The following MYO3B variants were observed in gnomAD, a reference collection of about 807,000 sequenced individuals.
MYO3B encodes the protein myosin-IIIb.
In MYO3B, 156 loss-of-function variants were observed where a neutral mutation model predicts 174.6. The ratio of observed to expected loss-of-function variants is 0.89; its 90% CI spans 0.78 to 1.02. The LOEUF is 1.02. Ranked by LOEUF, MYO3B falls within the 50% of genes least tolerant of loss-of-function variation. MYO3B has a pLI of 0.00. For missense variants in MYO3B, 1,632 were observed against 1,639.4 expected (o/e 1.00, Z 0.08); for synonymous variants, 563 against 569.1 (o/e 0.99, Z 0.15).
At chr2:170,235,251 C>T (rs1050167983) in intron 6 of MYO3B, among the ~76,000 whole-genome samples, 2 of 152,216 alleles carry the variant, frequency 1.3e-5, no homozygotes, top group Non-Finnish European at 2.9e-5. Context: ...CTTCTCCTAT[C>T]GCCATTGTGA....
At chr2:170,179,131 G>A (rs1574529161) in intron 1 of MYO3B, among the ~76,000 whole-genome samples, 1 of 152,110 alleles carries the variant, frequency 6.6e-6, no homozygotes. Flanking sequence ...CTTAATAGGT[G>A]CAGCCAACCC....
chr2:170,214,822 G>A lies in MYO3B; in HGVS notation c.520G>A (p.Asp174Asn). Reference protein sequence around the residue: ...LTTEGGVKLVDFGVSAQLTST... With the variant: ...LTTEGGVKLVNFGVSAQLTST... ...AACAGAAGGAGGAGTTAAGCTCGTT[G>A]ACTTTGGTAATGACTGCTTGTCGTT... The change falls in exon 5 of 35, where the codon GAC becomes AAC. Residue 174 changes from aspartate (D) to asparagine (N), a missense_variant. Physicochemically the swap from Asp to Asn is conservative, Grantham distance 23. Coordinates refer to ENST00000408978, the MANE Select transcript of MYO3B (RefSeq NM_138995.5). 6.2e-7 allele frequency: 1 copy of A among 1,612,764 alleles called. No individual in the cohort carries two copies.
intron 32 of MYO3B, chr2:170,602,134 G>T: frequency 2.4e-6 from 3 of 1,239,630 alleles, no homozygotes; most frequent in Non-Finnish European, 2.4e-6. Context: ...TGAGGCATCT[G>T]GGTGCTTCTT....
chr2:170,624,387 A>T (rs917080820), intron 32 of MYO3B, among the ~76,000 whole-genome samples: 4 of 152,068 alleles, frequency 2.6e-5, no homozygotes, highest in African/African-American at 7.2e-5. Context: ...GGTGTATAAG[A>T]CTGCTTGTGA....
intron 25 of MYO3B, among the ~76,000 whole-genome samples, chr2:170,467,820 A>G (rs1200099523): frequency 6.6e-6 from 1 of 151,652 alleles, no homozygotes; most frequent in African/African-American, 2.4e-5. Flanking sequence ...TAAGGCAAAA[A>G]AAAAAAAAAA....
chr2:170,418,671 A>G (rs761001096), intron 22 of MYO3B, among the ~76,000 whole-genome samples: 2 of 152,144 alleles, frequency 1.3e-5, no homozygotes, highest in Non-Finnish European at 2.9e-5. Context: ...AAGTTCAGGA[A>G]AGGTCTAAGA....
chr2:170,616,130 A>G (rs937386609), intron 32 of MYO3B, among the ~76,000 whole-genome samples: 5 of 152,242 alleles, frequency 3.3e-5, no homozygotes, highest in African/African-American at 7.2e-5. Flanking sequence ...CAAACAATCC[A>G]TGGAAACAGG....
At chr2:170,195,748 C>T (rs1243776322) in intron 1 of MYO3B, among the ~76,000 whole-genome samples, 1 of 152,182 alleles carries the variant, frequency 6.6e-6, no homozygotes, top group African/African-American at 2.4e-5. Flanking sequence ...ACCCCAGATC[C>T]TGCACCTGCC....
chr2:170,621,378 AT>A (rs548809408), intron 32 of MYO3B, among the ~76,000 whole-genome samples: 44 of 152,332 alleles, frequency 2.9e-4, no homozygotes, highest in African/African-American at 1.1e-3. Context: ...CCCTTCTAAT[AT>A]AACACCTTTC....
chr2:170,308,653 C>T (rs2093717042), intron 7 of MYO3B, among the ~76,000 whole-genome samples: 1 of 152,138 alleles, frequency 6.6e-6, no homozygotes, highest in Admixed American at 6.6e-5. Context: ...TCTCATCTTT[C>T]TCCCCAGGAT....
Position 170,497,990 on chromosome 2 carries a change from C to T in MYO3B, c.3015-602C>T, listed in dbSNP as rs1235020904. Among the ~76,000 whole-genome samples, 3 of 148,900 alleles carry T rather than the reference C, an allele frequency of 2.0e-5. No individual in the cohort carries two copies. The East Asian group carries it at 5.9e-4, about 29-fold the overall frequency. On this transcript the variant is annotated intron_variant, in intron 25 of 34. Transcript: ENST00000408978. ...AAAAAAAGATGCTTTTCCTTCACTA[C>T]AGTGTTCTTCTCTGAAACTCTTTAA...
chr2:170,420,181 A>G (rs1306996887), intron 22 of MYO3B, among the ~76,000 whole-genome samples: 1 of 152,126 alleles, frequency 6.6e-6, no homozygotes. Context: ...AGAGGGAGAC[A>G]GTCTCAAAAA....
At chr2:170,438,850 G>C (rs1482690349) in intron 22 of MYO3B, among the ~76,000 whole-genome samples, 1 of 151,936 alleles carries the variant, frequency 6.6e-6, no homozygotes, top group Non-Finnish European at 1.5e-5. Flanking sequence ...GGCCAGGCTG[G>C]TCTCAAACTC....
Position 170,509,467 on chromosome 2 carries a change from G to A in MYO3B, c.3371-5454G>A, listed in dbSNP as rs538863284. 3.2e-4 allele frequency among the ~76,000 whole-genome samples: 49 copies of A among 152,248 alleles called. No individual in the cohort carries two copies. In the South Asian group the frequency reaches 3.7e-3, roughly 12 times the overall value. ...CAAATTAGATTACAGTAAAATCTTT[G>A]TAAAAAGAATTTTCCAAGTCTTAAC... On this transcript the variant is annotated intron_variant, in intron 28 of 34. Transcript: ENST00000408978.
At chr2:170,227,297 T>C (rs533357159) in intron 6 of MYO3B, among the ~76,000 whole-genome samples, 5 of 152,066 alleles carry the variant, frequency 3.3e-5, no homozygotes, top group African/African-American at 1.2e-4. Context: ...TGAGGGGAAG[T>C]GGGGGGGTAC....
intron 25 of MYO3B, among the ~76,000 whole-genome samples, chr2:170,468,971 A>G (rs1306652244): frequency 6.6e-6 from 1 of 152,156 alleles, no homozygotes; most frequent in Non-Finnish European, 1.5e-5. Context: ...CCTGGCCAAC[A>G]TGGTGAAATC....
intron 7 of MYO3B, chr2:170,334,856 T>G (rs1340144809): frequency 6.6e-6 from 1 of 152,514 alleles, no homozygotes; most frequent in African/African-American, 2.4e-5. Context: ...GGACATTGTT[T>G]TGACTGTCTG....
At chr2:170,636,792 C>CA (rs1276586967) in intron 32 of MYO3B, among the ~76,000 whole-genome samples, 1 of 152,078 alleles carries the variant, frequency 6.6e-6, no homozygotes, top group Non-Finnish European at 1.5e-5. Flanking sequence ...TTGACTAAAC[C>CA]AAGACAACCA....
chr2:170,622,777 G>A (rs1195873871), intron 32 of MYO3B, among the ~76,000 whole-genome samples: 1 of 70,456 alleles, frequency 1.4e-5, no homozygotes, highest in Non-Finnish European at 3.7e-5. Flanking sequence ...CTGTGTCCTG[G>A]TGTTCTCATT....
Sources: gnomAD v4.1 joint callset for allele counts (sites outside exome capture counted in the v4.1 genomes callset) on GRCh38, gnomAD v4.1.1 for gene constraint, MANE v1.5 for transcripts, NCBI Gene and HGNC (gene_info 2026-07-23, HGNC 2026-07-21) for gene names.